Variants in MIA3 observed in about 807,000 individuals in gnomAD.
The protein encoded by MIA3 is MIA SH3 domain ER export factor 3, also known as transport and Golgi organization protein 1 homolog.
MIA3 carries 90 observed loss-of-function variants against 192.4 expected under a neutral mutation model. The observed-to-expected ratio is 0.47, with a 90% confidence interval of 0.39 to 0.56. The LOEUF is 0.56. Among genes scored for constraint, MIA3 ranks in the 20% least tolerant of loss-of-function variants. The pLI is 0.00. For synonymous variants in MIA3, 740 were observed against 792.8 expected, an observed-to-expected ratio of 0.93 and a Z score of 1.12; for missense variants, 2,123 against 2,269.4, an observed-to-expected ratio of 0.94 and a Z score of 1.31.
intron 3 of MIA3, among the ~76,000 whole-genome samples, chr1:222,625,197 G>A (rs377364467): frequency 2.6e-5 from 4 of 152,216 alleles, no homozygotes; most frequent in African/African-American, 9.6e-5. Context: ...TTTTAGTAGA[G>A]ATGGGGTTTC....
At position 222,651,932 on chromosome 1, in the gene MIA3, A is replaced by C. The variant is rs183819317; in HGVS notation, c.3910-45A>C. The C allele has an allele frequency of 3.8e-6, 4 of 1,055,224 alleles. No homozygotes were observed. The East Asian group carries it at 7.1e-5, about 19-fold the overall frequency. 65.4% of individuals were successfully genotyped at this position (1,055,224 alleles called of 1,614,324 possible). ...TCTTAGTATGTATCCCAGTGTTTCT[A>C]CTAAAATCCTAATATGCATTTTGTG... On this transcript the variant is annotated intron_variant, in intron 11 of 27. Coordinates refer to ENST00000344922, the MANE Select transcript of MIA3 (RefSeq NM_198551.4).
Position 222,630,305 on chromosome 1 carries a change from A to T in MIA3, c.3085A>T (p.Arg1029Trp). 3.1e-6 allele frequency: 5 copies of T among 1,614,248 alleles called. No individual in the cohort carries two copies. The highest frequency in any genetic ancestry group is 4.2e-6 in the Non-Finnish European group (5 of 1,180,034). Residue 1029 changes from arginine (R) to tryptophan (W), a missense_variant, in exon 4 of 28, where the codon AGG (arginine) becomes TGG (tryptophan). By Grantham distance (101) the Arg-to-Trp change is moderately radical. Coordinates refer to ENST00000344922, the MANE Select transcript of MIA3 (RefSeq NM_198551.4). Reference sequence around the variant, plus strand: ...CATTCAAGACCTCATCTATTTTGTCAGGTACAAGCACTCCACAGCAGAGGA... The same window carrying T: ...CATTCAAGACCTCATCTATTTTGTCTGGTACAAGCACTCCACAGCAGAGGA... ...DDIQDLIYFV[R>W]YKHSTAEETA...
At chr1:222,655,485 T>C (rs1268685196) in intron 18 of MIA3, among the ~76,000 whole-genome samples, 2 of 152,246 alleles carry the variant, frequency 1.3e-5, no homozygotes, top group African/African-American at 2.4e-5. Flanking sequence ...TGTTTTACTC[T>C]TTGGTGTATA....
chr1:222,624,911 C>A, intron 3 of MIA3, 57 bp downstream of exon 3: 1 of 933,944 alleles, frequency 1.1e-6, no homozygotes. Flanking sequence ...AAGTGACTAC[C>A]TAGAAAAAAA....
chr1:222,645,836 G>A, intron 7 of MIA3, 151 bp downstream of exon 7: 1 of 686,670 alleles, frequency 1.5e-6, no homozygotes, highest in Non-Finnish European at 2.2e-6. Context: ...TAATTTTTGT[G>A]TTGGTAAATT....
Position 222,667,562 on chromosome 1 carries a change from T to C in MIA3, c.*1943T>C, listed in dbSNP as rs1664345129. ...GGTGATTATTCTGTATCTGACATAA[T>C]TGAGAAACTGGTAAGCTGTAAAGAT... On this transcript the variant is annotated 3_prime_UTR_variant, in exon 28 of 28. Coordinates refer to ENST00000344922, the MANE Select transcript of MIA3 (RefSeq NM_198551.4). 6.6e-6 allele frequency: 1 copy of C among 152,208 alleles called. No individual in the cohort carries two copies. The highest frequency in any genetic ancestry group is 2.4e-5 in the African/African-American group (1 of 41,456). 9.4% of individuals were successfully genotyped at this position (152,208 alleles called of 1,614,324 possible). A position where few individuals can be genotyped will look rare whatever the true frequency, so the allele number is the denominator to read the frequency against.
intron 6 of MIA3, among the ~76,000 whole-genome samples, chr1:222,638,028 A>C (rs79110152): frequency 0.021 from 3,263 of 152,252 alleles, 116 homozygotes; most frequent in African/African-American, 0.075. Context: ...TGGAGATTTC[A>C]GTATCCCTTC....
At position 222,665,480 on chromosome 1, in the gene MIA3, C is replaced by G; in HGVS notation, c.5585C>G (p.Pro1862Arg). The change falls in exon 28 of 28, where the codon CCC becomes CGC. Residue 1862 changes from proline (P) to arginine (R), a missense_variant. Physicochemically the swap from Pro to Arg is moderately radical, Grantham distance 103 (BLOSUM62 -2). This residue lies in a region of MIA3 where 762 missense variants were observed against 856.4 expected (regional missense o/e 0.89). Coordinates refer to ENST00000344922, the MANE Select transcript of MIA3 (RefSeq NM_198551.4). The part of the protein sequence containing the change: ...EYFIPGTRLP[P>R]PTHGPQEYPP... ...TTTATTCCTGGTACCCGATTACCAC[C>G]CCCAACCCATGGTCCCCAGGAATAC... 1 of 1,613,990 alleles carries G rather than the reference C, an allele frequency of 6.2e-7. No individual in the cohort carries two copies.
chr1:222,641,340 G>A (rs1662843505), intron 6 of MIA3: 1 of 304,244 alleles, frequency 3.3e-6, no homozygotes, highest in Non-Finnish European at 6.5e-6. Flanking sequence ...TTAAATATAA[G>A]ACCCTTCCCT....
intron 6 of MIA3, among the ~76,000 whole-genome samples, chr1:222,638,866 A>G (rs1263510766): frequency 6.6e-6 from 1 of 152,218 alleles, no homozygotes; most frequent in African/African-American, 2.4e-5. Context: ...GAAAAAGAAA[A>G]GCAAATTAAT....
rs1232820970 is a variant in MIA3, at chr1:222,664,141, A to G, written c.5406A>G (p.Pro1802=). ...CTTTTGGGCCTCGGCCACTTCCTCC[A>G]CCCTTTGGTAAGATGATCTGAACAG... is the stretch of plus-strand genomic sequence containing the variant. ...CGPFGPRPLP[P]PFGPGMRPPL... Residue 1802 remains proline (P), a synonymous_variant, in exon 27 of 28, where the codon CCA becomes CCG. Transcript: ENST00000344922. The G allele has an allele frequency of 3.7e-6, 6 of 1,613,874 alleles. No individual in the cohort carries two copies. The South Asian group carries it at 4.4e-5, about 12-fold the overall frequency.
At chr1:222,650,757 T>C in intron 10 of MIA3, 36 bp from the exon 11 acceptor site, 1 of 1,562,558 alleles carries the variant, frequency 6.4e-7, no homozygotes, top group Non-Finnish European at 8.8e-7. Context: ...AAAGTAAAAG[T>C]AATGAGTATA....
intron 6 of MIA3, chr1:222,644,453 C>T (rs1197631309): frequency 1.2e-5 from 18 of 1,550,382 alleles, no homozygotes; most frequent in Admixed American, 5.9e-5. Flanking sequence ...GGAATTGTCG[C>T]TTGCGTTCAG....
chr1:222,663,558 A>G (rs1333016899), intron 26 of MIA3, among the ~76,000 whole-genome samples: 1 of 152,246 alleles, frequency 6.6e-6, no homozygotes, highest in East Asian at 1.9e-4. Flanking sequence ...TGTAGGGCCT[A>G]CAGAAGGTAC....
intron 6 of MIA3, among the ~76,000 whole-genome samples, chr1:222,636,164 C>T (rs1009235667): frequency 1.3e-5 from 2 of 152,168 alleles, no homozygotes; most frequent in Non-Finnish European, 2.9e-5. Context: ...TTCCCTAACA[C>T]TTGGTATTAT....
At chr1:222,619,035 A>T (rs1661740037) in intron 1 of MIA3, among the ~76,000 whole-genome samples, 1 of 152,056 alleles carries the variant, frequency 6.6e-6, no homozygotes, top group South Asian at 2.1e-4. Flanking sequence ...TGCACCGGCC[A>T]CCTGGGACCG....
intron 18 of MIA3, among the ~76,000 whole-genome samples, chr1:222,658,252 T>C (rs1437560557): frequency 6.6e-6 from 1 of 152,258 alleles, no homozygotes; most frequent in African/African-American, 2.4e-5. Flanking sequence ...GTTAAGGACA[T>C]GTTCTAAAAA....
chr1:222,625,247 C>T (rs1462442392), intron 3 of MIA3, among the ~76,000 whole-genome samples: 6 of 152,160 alleles, frequency 3.9e-5, no homozygotes, highest in African/African-American at 1.2e-4. Flanking sequence ...CCTCATGATC[C>T]GCCCGCCTCA....
rs762077104 is a variant in MIA3 at position 222,628,537 on chromosome 1, T to C, written c.1317T>C (p.Asn439=). 3.7e-6 allele frequency: 6 copies of C among 1,614,098 alleles called. No homozygotes were observed. Among genetic ancestry groups the C allele is most frequent in the South Asian group, 2.2e-5 (2 of 91,068 alleles). Residue 439 remains asparagine, a synonymous_variant, in exon 4 of 28, where the codon AAT becomes AAC. Coordinates refer to ENST00000344922, the MANE Select transcript of MIA3 (RefSeq NM_198551.4). ...CAACAGATTATAGTGACCCTGACAA[T>C]GTAGATGATGGTCTTTTTATTGTAG... ...QSATDYSDPD[N]VDDGLFIVDI...
Sources: gnomAD v4.1 joint callset for allele counts (sites outside exome capture counted in the v4.1 genomes callset) on GRCh38, gnomAD v4.1.1 for gene constraint, gnomAD v4.1.1 regional missense constraint, MANE v1.5 for transcripts, NCBI Gene and HGNC (gene_info 2026-07-23, HGNC 2026-07-21) for gene names.